Variants in NEUROD4 observed in about 807,000 individuals in gnomAD.
NEUROD4 encodes neuronal differentiation 4.
NEUROD4 carries 16 observed loss-of-function variants against 19.8 expected under a neutral mutation model. That is an observed-to-expected ratio of 0.81 (90% CI 0.55 to 1.23). The LOEUF (loss-of-function observed/expected upper bound fraction) is 1.23, where lower values mean the gene tolerates loss of function less well. Ranked by LOEUF, NEUROD4 falls within the 50% of genes most tolerant of loss-of-function variation. NEUROD4 has a pLI of 0.00. For missense variants in NEUROD4, 439 were observed against 398.6 expected (o/e 1.10, Z -0.86); for synonymous variants, 153 against 147.9 (o/e 1.03, Z -0.25).
At chr12:55,021,487 G>A (rs573349060) in intron 1 of NEUROD4, among the ~76,000 whole-genome samples, 45 of 152,246 alleles carry the variant, frequency 3.0e-4, no homozygotes, top group African/African-American at 1.1e-3. Flanking sequence ...CCACATGTGA[G>A]TTCCCCTTAC....
chr12:55,022,282 A>G (rs1276804576), intron 1 of NEUROD4, among the ~76,000 whole-genome samples: 1 of 152,100 alleles, frequency 6.6e-6, no homozygotes, highest in Admixed American at 6.5e-5. Flanking sequence ...GGCTGAAAGC[A>G]ACATTAGATT....
At chr12:55,024,192 C>T (rs1254790267) in intron 1 of NEUROD4, among the ~76,000 whole-genome samples, 1 of 152,102 alleles carries the variant, frequency 6.6e-6, no homozygotes, top group Non-Finnish European at 1.5e-5. Context: ...ATGATCACTC[C>T]TGTTGACTCA....
intron 1 of NEUROD4, among the ~76,000 whole-genome samples, chr12:55,025,384 G>C (rs192743475): frequency 1.8e-5 from 2 of 109,220 alleles, no homozygotes; most frequent in East Asian, 5.1e-4. Flanking sequence ...ACTAGTATTT[G>C]TTCCAGATTT....
At chr12:55,025,148 G>T (rs552016813) in intron 1 of NEUROD4, among the ~76,000 whole-genome samples, 11 of 152,146 alleles carry the variant, frequency 7.2e-5, no homozygotes, top group Non-Finnish European at 1.5e-4. Context: ...CCTAAAAATT[G>T]CTTAGCAAAC....
rs1186531921 is a variant in NEUROD4, at chr12:55,028,629, C to T, written c.*1194C>T. On this transcript the variant is annotated 3_prime_UTR_variant, in exon 2 of 2. Coordinates refer to ENST00000242994, the MANE Select transcript of NEUROD4 (RefSeq NM_021191.3). ...TTTATTGATCAAGGTTAAATTTTTC[C>T]AACATATATGTAGTTCCTTATCTCT... is the stretch of plus-strand genomic sequence containing the variant. The T allele has an allele frequency of 1.8e-5, 3 of 166,926 alleles. No individual in the cohort carries two copies. Among genetic ancestry groups the T allele is most frequent in the Non-Finnish European group, 4.4e-5 (3 of 68,102 alleles). 10.3% of individuals were successfully genotyped at this position (166,926 alleles called of 1,614,324 possible).
At chr12:55,026,214 C>G (rs1952726423) in intron 1 of NEUROD4, among the ~76,000 whole-genome samples, 1 of 152,086 alleles carries the variant, frequency 6.6e-6, no homozygotes, top group Admixed American at 6.5e-5. Flanking sequence ...AAAACAGGCA[C>G]TAACACTGCA....
chr12:55,025,634 G>A (rs1271461430), intron 1 of NEUROD4, among the ~76,000 whole-genome samples: 1 of 152,172 alleles, frequency 6.6e-6, no homozygotes, highest in African/African-American at 2.4e-5. Flanking sequence ...ACTCACACTA[G>A]ACAGAACACA....
chr12:55,026,368 A>C (rs1229212873), intron 1 of NEUROD4, 63 bp from the exon 2 acceptor site: 1 of 1,406,608 alleles, frequency 7.1e-7, no homozygotes, highest in Admixed American at 2.3e-5. Flanking sequence ...CATATAAAAA[A>C]CTTTAGTTTC....
chr12:55,023,804 T>C (rs1471831538), intron 1 of NEUROD4, among the ~76,000 whole-genome samples: 2 of 152,212 alleles, frequency 1.3e-5, no homozygotes, highest in Non-Finnish European at 2.9e-5. Flanking sequence ...TTTTCCTTTA[T>C]ACCCACCAAC....
intron 1 of NEUROD4, among the ~76,000 whole-genome samples, chr12:55,024,676 G>A (rs995135201): frequency 1.3e-5 from 2 of 152,156 alleles, no homozygotes; most frequent in African/African-American, 4.8e-5. Flanking sequence ...CAGCACACAA[G>A]CTCTATCATC....
At chr12:55,025,347 T>C (rs188928429) in intron 1 of NEUROD4, among the ~76,000 whole-genome samples, 1,923 of 117,012 alleles carry the variant, frequency 0.016, 19 homozygotes, top group Non-Finnish European at 0.019. Context: ...AGTCACTATG[T>C]TCTGTTCCAC....
Position 55,027,369 on chromosome 12 carries a change from C to T in NEUROD4, c.930C>T (p.Asp310=), listed in dbSNP as rs1952747344. The change falls in exon 2 of 2, where the codon GAC becomes GAT. Residue 310 remains aspartate (D), a synonymous_variant. Transcript: ENST00000242994. ...AGTPRYDVPI[D]MSYDSYPHHG... ...CCCCCCGTTATGATGTTCCTATAGA[C>T]ATGTCCTATGATTCCTACCCCCATC... 1 of 1,613,792 alleles carries T rather than the reference C, an allele frequency of 6.2e-7. No individual in the cohort carries two copies. The highest frequency in any genetic ancestry group is 8.5e-7 in the Non-Finnish European group (1 of 1,179,738).
At position 55,027,532 on chromosome 12, in the gene NEUROD4, G is replaced by T; in HGVS notation, c.*97G>T. The T allele has an allele frequency of 8.7e-7, 1 of 1,152,626 alleles. No individual in the cohort carries two copies. Among genetic ancestry groups the T allele is most frequent in the East Asian group, 2.4e-5 (1 of 42,304 alleles). 71.4% of individuals were successfully genotyped at this position (1,152,626 alleles called of 1,614,324 possible). A position where few individuals can be genotyped will look rare whatever the true frequency, so the allele number is the denominator to read the frequency against. ...TTCAATGACCTTAAAGGATCCCTAT[G>T]GATATATATCAAACAATAGTTCAAG... On this transcript the variant is annotated 3_prime_UTR_variant, in exon 2 of 2. Coordinates refer to ENST00000242994, the MANE Select transcript of NEUROD4 (RefSeq NM_021191.3).
In NEUROD4 at chr12:55,026,865, C is replaced by T. The variant is rs1384918435; in HGVS notation, c.426C>T (p.Val142=). Residue 142 remains valine (V), a synonymous_variant, in exon 2 of 2, where the codon GTC becomes GTT. Transcript: ENST00000242994. ...ARNYIWALSE[V]LETGQTPEGK... ...ACTATATTTGGGCTTTATCTGAAGT[C>T]CTGGAGACTGGCCAGACACCTGAAG... The T allele has an allele frequency of 5.6e-6, 9 of 1,614,084 alleles. No individual in the cohort carries two copies. The highest frequency in any genetic ancestry group is 5.9e-6 in the Non-Finnish European group (7 of 1,179,992).
Position 55,026,454 on chromosome 12 carries a change from T to C in NEUROD4, c.15T>C (p.Phe5=). Residue 5 remains phenylalanine, a synonymous_variant, in exon 2 of 2, where the codon TTT becomes TTC. Transcript: ENST00000242994. ...AGAGTCTGGAAATGTCAAAAACTTT[T>C]GTAAAATCCAAGGAGATGGGAGAGC... MSKT[F]VKSKEMGELV... 1.2e-6 allele frequency: 2 copies of C among 1,603,118 alleles called. No individual in the cohort carries two copies. The highest frequency in any genetic ancestry group is 1.1e-5 in the South Asian group (1 of 88,612).
At position 55,026,496 on chromosome 12, in the gene NEUROD4, C is replaced by A; in HGVS notation, c.57C>A (p.Ser19=). 6.2e-7 allele frequency: 1 copy of A among 1,613,898 alleles called. No individual in the cohort carries two copies. The highest frequency in any genetic ancestry group is 8.5e-7 in the Non-Finnish European group (1 of 1,179,900). The change falls in exon 2 of 2, where the codon TCC becomes TCA. Residue 19 remains serine, a synonymous_variant. Transcript: ENST00000242994. ...KEMGELVNTP[S]WMDKGLGSQN... ...TGGGAGAGCTAGTCAACACACCATC[C>A]TGGATGGATAAAGGTCTGGGCTCCC...
intron 1 of NEUROD4, among the ~76,000 whole-genome samples, chr12:55,022,321 G>A (rs1952678881): frequency 6.6e-6 from 1 of 151,990 alleles, no homozygotes. Context: ...ACAACCCTTG[G>A]TTTCTTTGAT....
Position 55,028,489 on chromosome 12 carries a change from G to A in NEUROD4, c.*1054G>A, listed in dbSNP as rs951818613. Reference sequence around the variant, plus strand: ...CTCTCCAGCTCACAGTTGCCCATGGGAAAAACCAATGGATTTTTTTTTAAG... The same window carrying A: ...CTCTCCAGCTCACAGTTGCCCATGGAAAAAACCAATGGATTTTTTTTTAAG... On this transcript the variant is annotated 3_prime_UTR_variant, in exon 2 of 2. Coordinates refer to ENST00000242994, the MANE Select transcript of NEUROD4 (RefSeq NM_021191.3). The A allele has an allele frequency of 6.0e-6, 1 of 166,998 alleles. No homozygotes were observed. The highest frequency in any genetic ancestry group is 1.9e-4 in the East Asian group (1 of 5,206). The allele number at this position is 166,998 out of a possible 1,614,324, so 10.3% of individuals were successfully genotyped here.
At chr12:55,025,535 T>C (rs1952718624) in intron 1 of NEUROD4, among the ~76,000 whole-genome samples, 2 of 152,212 alleles carry the variant, frequency 1.3e-5, no homozygotes, top group African/African-American at 4.8e-5. Flanking sequence ...CACTTTAACA[T>C]ATGGGCAAAT....
Sources: gnomAD v4.1 joint callset for allele counts (sites outside exome capture counted in the v4.1 genomes callset) on GRCh38, gnomAD v4.1.1 for gene constraint, MANE v1.5 for transcripts, NCBI Gene and HGNC (gene_info 2026-07-23, HGNC 2026-07-21) for gene names.